The following CTNNBIP1 variants were observed in gnomAD, a reference collection of about 807,000 sequenced individuals.
CTNNBIP1 encodes beta-catenin-interacting protein 1.
In CTNNBIP1, 7 loss-of-function variants were observed where a neutral mutation model predicts 11.8. The ratio of observed to expected loss-of-function variants is 0.60; its 90% CI spans 0.34 to 1.12. The LOEUF (loss-of-function observed/expected upper bound fraction) is 1.12, where lower values mean the gene tolerates loss of function less well. Among genes scored for constraint, CTNNBIP1 ranks in the 50% most tolerant of loss-of-function variants. The pLI, the probability that CTNNBIP1 is intolerant of heterozygous loss-of-function variation, is 0.03. For missense variants in CTNNBIP1, 101 were observed against 113.4 expected, an observed-to-expected ratio of 0.89 and a Z score of 0.50; for synonymous variants, 58 against 43.9, an observed-to-expected ratio of 1.32 and a Z score of -1.26.
At chr1:9,865,995 T>A (rs961607441) in intron 5 of CTNNBIP1, among the ~76,000 whole-genome samples, 2 of 152,190 alleles carry the variant, frequency 1.3e-5, no homozygotes, top group African/African-American at 4.8e-5. Flanking sequence ...TTCCTCTGGT[T>A]CAAAGCCAAG....
intron 1 of CTNNBIP1, among the ~76,000 whole-genome samples, chr1:9,898,071 C>T (rs1171260886): frequency 1.3e-5 from 2 of 150,580 alleles, no homozygotes; most frequent in African/African-American, 2.4e-5. Context: ...GCTGAGATCG[C>T]ACCACTGAAC....
At chr1:9,880,480 T>C (rs1056089034) in intron 2 of CTNNBIP1, among the ~76,000 whole-genome samples, 3 of 152,204 alleles carry the variant, frequency 2.0e-5, no homozygotes. Context: ...TTATAATCCT[T>C]TGGGTATATA....
At chr1:9,900,180 G>A (rs1243269183) in intron 1 of CTNNBIP1, among the ~76,000 whole-genome samples, 1 of 152,110 alleles carries the variant, frequency 6.6e-6, no homozygotes, top group Admixed American at 6.5e-5. Context: ...GAGGCGAGCA[G>A]ATCACAAGAT....
intron 1 of CTNNBIP1, among the ~76,000 whole-genome samples, chr1:9,900,513 C>CT (rs1639502370): frequency 6.6e-6 from 1 of 152,200 alleles, no homozygotes; most frequent in African/African-American, 2.4e-5. Flanking sequence ...ACTCATGGAC[C>CT]TAACAGGCCA....
At chr1:9,891,246 A>G (rs1199291164) in intron 1 of CTNNBIP1, among the ~76,000 whole-genome samples, 1 of 152,156 alleles carries the variant, frequency 6.6e-6, no homozygotes, top group East Asian at 1.9e-4. Flanking sequence ...CATTCCCACA[A>G]GGACAAGCCT....
At position 9,867,845 on chromosome 1, in the gene CTNNBIP1, G is replaced by C. The variant is rs1638780076; in HGVS notation, c.187+3342C>G. On this transcript the variant is annotated intron_variant, in intron 5 of 5. Transcript: ENST00000377263. This position sits in a 1 kb window ranked among gnomAD's most constrained non-coding sequence, Gnocchi z 4.6. ...ACAGCAGGATCCTGCAGCATCAGCT[G>C]AGATTGGCTCTGCGATGGAGAAGGT... Among the ~76,000 whole-genome samples, 1 of 152,228 alleles carries C rather than the reference G, an allele frequency of 6.6e-6. No homozygotes were observed. Among genetic ancestry groups the C allele is most frequent in the African/African-American group, 2.4e-5 (1 of 41,456 alleles).
In CTNNBIP1 at chr1:9,851,941, C is replaced by G. The variant is rs571912704; in HGVS notation, c.188-1165G>C. 2.0e-5 allele frequency among the ~76,000 whole-genome samples: 3 copies of G among 152,186 alleles called. No homozygotes were observed. Among genetic ancestry groups the G allele is most frequent in the African/African-American group, 4.8e-5 (2 of 41,434 alleles). ...TGACCCTGTCCTGCTGCTCTCACCCCCTTTGTAAAAGGCCAGATCTTCACT... is the reference window on the plus strand; with the variant it reads ...TGACCCTGTCCTGCTGCTCTCACCCGCTTTGTAAAAGGCCAGATCTTCACT... On this transcript the variant is annotated intron_variant, in intron 5 of 5. Coordinates refer to ENST00000377263, the MANE Select transcript of CTNNBIP1 (RefSeq NM_020248.3). This position sits in a 1 kb window ranked among gnomAD's most constrained non-coding sequence, Gnocchi z 4.8.
At chr1:9,885,833 G>A (rs1428085408) in intron 1 of CTNNBIP1, among the ~76,000 whole-genome samples, 2 of 151,942 alleles carry the variant, frequency 1.3e-5, no homozygotes. Flanking sequence ...TTGGGAGGCT[G>A]AGGCAGGAGA....
rs1638373109 is a variant in CTNNBIP1, at chr1:9,851,026, A to G, written c.188-250T>C. ...CAGGGTGAGGCTCAGAGGCTTGCTCAAGGCTACACAGCTGACAGGTGAGCC... is the reference window on the plus strand; with the variant it reads ...CAGGGTGAGGCTCAGAGGCTTGCTCGAGGCTACACAGCTGACAGGTGAGCC... On this transcript the variant is annotated intron_variant, in intron 5 of 5. Coordinates refer to ENST00000377263, the MANE Select transcript of CTNNBIP1 (RefSeq NM_020248.3). The surrounding 1 kb of genome is among the most constrained non-coding windows in gnomAD (Gnocchi z 4.8). Among the ~76,000 whole-genome samples, 1 of 152,190 alleles carries G rather than the reference A, an allele frequency of 6.6e-6. No individual in the cohort carries two copies. Among genetic ancestry groups the G allele is most frequent in the African/African-American group, 2.4e-5 (1 of 41,460 alleles).
chr1:9,875,142 C>T (rs530350346), intron 3 of CTNNBIP1, among the ~76,000 whole-genome samples: 1 of 152,180 alleles, frequency 6.6e-6, no homozygotes, highest in Admixed American at 6.5e-5. Flanking sequence ...GCCGACCAGT[C>T]CTTAGCCGAC....
At chr1:9,854,683 T>A (rs1007963164) in intron 5 of CTNNBIP1, among the ~76,000 whole-genome samples, 25 of 142,750 alleles carry the variant, frequency 1.8e-4, no homozygotes, top group Non-Finnish European at 2.3e-4. Flanking sequence ...TAAAAAAAAA[T>A]TTTTTTTTTT....
At chr1:9,891,927 G>A (rs1035503525) in intron 1 of CTNNBIP1, among the ~76,000 whole-genome samples, 4 of 150,982 alleles carry the variant, frequency 2.6e-5, no homozygotes, top group Middle Eastern at 3.2e-3. Context: ...TCGGCCTCCC[G>A]AGTAGTTGGG....
intron 5 of CTNNBIP1, among the ~76,000 whole-genome samples, chr1:9,857,138 A>T (rs892095949): frequency 6.6e-6 from 1 of 150,812 alleles, no homozygotes; most frequent in Non-Finnish European, 1.5e-5. Context: ...AAAACAAAAC[A>T]AAACAAAAAA....
At chr1:9,861,626 C>A (rs1244232135) in intron 5 of CTNNBIP1, among the ~76,000 whole-genome samples, 4 of 152,216 alleles carry the variant, frequency 2.6e-5, no homozygotes, top group African/African-American at 9.6e-5. Flanking sequence ...GGTGGCACTG[C>A]AGCAGCCAGT....
intron 3 of CTNNBIP1, among the ~76,000 whole-genome samples, chr1:9,875,245 T>C (rs1638943410): frequency 6.6e-6 from 1 of 152,186 alleles, no homozygotes; most frequent in Admixed American, 6.5e-5. Flanking sequence ...GCAAGATCTA[T>C]TTATTCATTC....
chr1:9,895,609 C>A (rs1346865352), intron 1 of CTNNBIP1, among the ~76,000 whole-genome samples: 1 of 152,178 alleles, frequency 6.6e-6, no homozygotes, highest in Non-Finnish European at 1.5e-5. Flanking sequence ...GATTCCATTG[C>A]CTCAGTCTCT....
chr1:9,853,356 T>C (rs1252209236), intron 5 of CTNNBIP1, among the ~76,000 whole-genome samples: 1 of 152,266 alleles, frequency 6.6e-6, no homozygotes, highest in Non-Finnish European at 1.5e-5. Context: ...ACCATGAACC[T>C]GACAGGCCTC....
intron 5 of CTNNBIP1, among the ~76,000 whole-genome samples, chr1:9,852,218 C>A (rs1412237546): frequency 6.6e-6 from 1 of 152,192 alleles, no homozygotes; most frequent in Non-Finnish European, 1.5e-5. Flanking sequence ...CTTCCAACTG[C>A]TCTACCAAGA....
chr1:9,887,129 C>G (rs1184751580), intron 1 of CTNNBIP1, among the ~76,000 whole-genome samples: 1 of 152,212 alleles, frequency 6.6e-6, no homozygotes, highest in Non-Finnish European at 1.5e-5. Flanking sequence ...AAGCTCCTTC[C>G]TGCTCCCTGA....
Sources: allele counts gnomAD v4.1 joint callset (sites outside exome capture counted in the v4.1 genomes callset), GRCh38; gene constraint gnomAD v4.1.1; non-coding constraint Gnocchi (gnomAD v3.1); transcripts MANE v1.5; gene names NCBI Gene and HGNC (gene_info 2026-07-23, HGNC 2026-07-21).